PIEZO2: variants seen among roughly 807,000 people sequenced by gnomAD.
The protein encoded by PIEZO2 is piezo type mechanosensitive ion channel component 2.
A neutral mutation model predicts 337.3 loss-of-function variants in PIEZO2; 172 were observed. The observed-to-expected ratio is 0.51, with a 90% confidence interval of 0.45 to 0.58. The LOEUF (loss-of-function observed/expected upper bound fraction) is 0.58. Ranked by LOEUF, PIEZO2 falls within the 20% of genes least tolerant of loss-of-function variation. The pLI is 0.00. For missense variants in PIEZO2, 3,028 were observed against 3,391.3 expected (o/e 0.89, Z 2.66); for synonymous variants, 1,251 against 1,228.5 (o/e 1.02, Z -0.38).
intron 7 of PIEZO2, among the ~76,000 whole-genome samples, chr18:10,822,020 A>T (rs577472778): frequency 6.6e-6 from 1 of 152,248 alleles, no homozygotes; most frequent in Non-Finnish European, 1.5e-5. Context: ...TTCTCAAGTT[A>T]TGAGACCCTT....
chr18:10,692,570 C>A (rs1033801524), intron 47 of PIEZO2, among the ~76,000 whole-genome samples: 3 of 151,822 alleles, frequency 2.0e-5, no homozygotes, highest in African/African-American at 7.3e-5. Flanking sequence ...TTGCCCACAC[C>A]CCCGTGGAGA....
chr18:11,030,824 A>G (rs2584735), intron 2 of PIEZO2, among the ~76,000 whole-genome samples: 1,994 of 152,298 alleles, frequency 0.013, 25 homozygotes, highest in African/African-American at 0.038. Context: ...AAGTTTATCT[A>G]TAAAAACAAG....
rs932730727 is a variant in PIEZO2 at position 10,824,149 on chromosome 18, A to C, written c.918-16875T>G. On this transcript the variant is annotated intron_variant, in intron 7 of 55. Coordinates refer to ENST00000674853, the MANE Select transcript of PIEZO2 (RefSeq NM_001378183.1). The surrounding 1 kb of genome is among the most constrained non-coding windows in gnomAD (Gnocchi z 4.4). ...GCACATATATAATATAGTCCATTTT[A>C]ACTTCTGGGTAGTATTTCATTGCAT... is the stretch of plus-strand genomic sequence containing the variant. Among the ~76,000 whole-genome samples, 2 of 152,210 alleles carry C rather than the reference A, an allele frequency of 1.3e-5. No homozygotes were observed. The highest frequency in any genetic ancestry group is 4.8e-5 in the African/African-American group (2 of 41,448).
chr18:10,691,239 G>A lies in PIEZO2; in HGVS notation c.7335C>T (p.Leu2445=). Residue 2445 remains leucine, a synonymous_variant, in exon 48 of 56, where the codon CTC becomes CTT. Transcript: ENST00000674853. The part of the protein sequence containing the change: ...FLTKSYNYVN[L]FLFQGFRLVP... The stretch of plus-strand genomic sequence containing the variant: ...GAGCGTCCTACCCTTGGAATAAGAA[G>A]AGGTTGACGTAATTGTAGCTCTTGG... 6.2e-7 allele frequency: 1 copy of A among 1,613,800 alleles called. No individual in the cohort carries two copies. Among genetic ancestry groups the A allele is most frequent in the Non-Finnish European group, 8.5e-7 (1 of 1,179,910 alleles).
chr18:10,948,290 ATAT>A (rs2145296302), intron 3 of PIEZO2, among the ~76,000 whole-genome samples: 1 of 152,324 alleles, frequency 6.6e-6, no homozygotes, highest in East Asian at 1.9e-4. Context: ...AACTATCTTT[ATAT>A]TCTGACCAAC....
At chr18:10,925,571 A>C (rs998956702) in intron 3 of PIEZO2, among the ~76,000 whole-genome samples, 2 of 152,158 alleles carry the variant, frequency 1.3e-5, no homozygotes, top group South Asian at 2.1e-4. Flanking sequence ...GGTTTATACA[A>C]AAAGTGAAAA....
rs1415197380 is a variant in PIEZO2, at chr18:10,979,571, G to A, written c.250C>T (p.Leu84Phe). The A allele has an allele frequency of 2.0e-6, 3 of 1,535,104 alleles. No individual in the cohort carries two copies. The African/African-American group carries it at 4.1e-5, about 21-fold the overall frequency. The change falls in exon 3 of 56, where the codon CTT becomes TTT. Residue 84 changes from leucine to phenylalanine, a missense_variant. Around this residue, in one of 5 missense-constraint regions of PIEZO2, gnomAD observed 542 missense variants for 605.6 expected, o/e 0.89. Coordinates refer to ENST00000674853, the MANE Select transcript of PIEZO2 (RefSeq NM_001378183.1). This position sits in a 1 kb window ranked among gnomAD's most constrained non-coding sequence, Gnocchi z 4.0. ...HIIFHITLVS[L>F]EAQHRIAPGY... ...GGTGCAATACGATGTTGAGCTTCAAGGCTCACCAACGTGATGTGGAAAATG... is the reference window on the plus strand; with the variant it reads ...GGTGCAATACGATGTTGAGCTTCAAAGCTCACCAACGTGATGTGGAAAATG...
intron 43 of PIEZO2, among the ~76,000 whole-genome samples, chr18:10,700,099 A>C (rs943742528): frequency 6.6e-6 from 1 of 152,184 alleles, no homozygotes; most frequent in Non-Finnish European, 1.5e-5. Flanking sequence ...GCTTTTCGTA[A>C]TGGGATTTTT....
At chr18:10,967,810 G>C (rs1156946867) in intron 3 of PIEZO2, among the ~76,000 whole-genome samples, 1 of 152,082 alleles carries the variant, frequency 6.6e-6, no homozygotes, top group African/African-American at 2.4e-5. Flanking sequence ...TTACTGATTT[G>C]TCTGAGTTCC....
At chr18:10,933,753 C>T (rs1214344295) in intron 3 of PIEZO2, among the ~76,000 whole-genome samples, 1 of 152,104 alleles carries the variant, frequency 6.6e-6, no homozygotes, top group Admixed American at 6.6e-5. Context: ...TGTAATAATC[C>T]CCACATGTCA....
At chr18:10,900,281 C>T (rs1485643140) in intron 4 of PIEZO2, among the ~76,000 whole-genome samples, 1 of 152,040 alleles carries the variant, frequency 6.6e-6, no homozygotes, top group Non-Finnish European at 1.5e-5. Context: ...TTCAAGTACA[C>T]ACAAGATACC....
rs1273636105 is a variant in PIEZO2, at chr18:11,048,297, C to T, written c.160+17830G>A. ...AAAGAAGAAAGGACAAAATGGTGACCCACAAGATTGAAAAGACCTGTCTTA... is the reference window on the plus strand; with the variant it reads ...AAAGAAGAAAGGACAAAATGGTGACTCACAAGATTGAAAAGACCTGTCTTA... On this transcript the variant is annotated intron_variant, in intron 2 of 55. Coordinates refer to ENST00000674853, the MANE Select transcript of PIEZO2 (RefSeq NM_001378183.1). This position sits in a 1 kb window ranked among gnomAD's most constrained non-coding sequence, Gnocchi z 4.5. Among the ~76,000 whole-genome samples the T allele has an allele frequency of 1.3e-5, 2 of 152,106 alleles. No homozygotes were observed. The highest frequency in any genetic ancestry group is 2.9e-5 in the Non-Finnish European group (2 of 68,034).
intron 47 of PIEZO2, among the ~76,000 whole-genome samples, chr18:10,693,430 C>A (rs183146458): frequency 6.6e-6 from 1 of 151,620 alleles, no homozygotes; most frequent in Non-Finnish European, 1.5e-5. Flanking sequence ...AGTGCAGCAG[C>A]GCAATCTCAG....
At chr18:10,845,507 T>C (rs2041330035) in intron 7 of PIEZO2, among the ~76,000 whole-genome samples, 1 of 152,164 alleles carries the variant, frequency 6.6e-6, no homozygotes, top group Non-Finnish European at 1.5e-5. Flanking sequence ...AAAAATCACA[T>C]ACATGTGTTT....
chr18:11,072,480 A>C (rs1239106083), intron 1 of PIEZO2, among the ~76,000 whole-genome samples: 2 of 152,212 alleles, frequency 1.3e-5, no homozygotes, highest in Non-Finnish European at 2.9e-5. Flanking sequence ...TCAAAAGAAG[A>C]ATAAAAGTCG....
intron 1 of PIEZO2, among the ~76,000 whole-genome samples, chr18:11,106,655 T>C (rs2039577803): frequency 6.6e-6 from 1 of 151,972 alleles, no homozygotes; most frequent in Non-Finnish European, 1.5e-5. Context: ...TCAAGTGATC[T>C]TCCGATCTCA....
At chr18:10,917,618 T>C (rs1028437769) in intron 3 of PIEZO2, among the ~76,000 whole-genome samples, 1 of 152,168 alleles carries the variant, frequency 6.6e-6, no homozygotes, top group African/African-American at 2.4e-5. Flanking sequence ...TTCATTTAAT[T>C]CAACAGTTTT....
intron 4 of PIEZO2, among the ~76,000 whole-genome samples, chr18:10,906,927 C>T (rs1177614953): frequency 1.3e-5 from 2 of 152,088 alleles, no homozygotes; most frequent in Non-Finnish European, 2.9e-5. Flanking sequence ...TGCCTGAGTA[C>T]TGTGAGATGT....
chr18:10,925,445 C>T (rs942634628), intron 3 of PIEZO2, among the ~76,000 whole-genome samples: 7 of 151,982 alleles, frequency 4.6e-5, no homozygotes, highest in Admixed American at 1.3e-4. Flanking sequence ...TAGGATACGG[C>T]AGTAAACACG....
Sources: allele counts gnomAD v4.1 joint callset (sites outside exome capture counted in the v4.1 genomes callset), GRCh38; gene constraint gnomAD v4.1.1; regional missense constraint gnomAD v4.1.1; non-coding constraint Gnocchi (gnomAD v3.1); transcripts MANE v1.5; gene names NCBI Gene and HGNC (gene_info 2026-07-23, HGNC 2026-07-21).